Variants in RBMS3 observed in about 807,000 individuals in gnomAD.
RBMS3 encodes the protein RNA binding motif single stranded interacting protein 3, also known as RNA-binding motif, single-stranded-interacting protein 3.
Under a neutral mutation model 66.8 loss-of-function variants are expected in RBMS3, and 27 were observed. The observed-to-expected ratio is 0.40, with a 90% CI of 0.30 to 0.56. RBMS3 has a LOEUF of 0.56. RBMS3 is among the 20% of genes least tolerant of loss of function. The pLI is 0.40. For missense variants in RBMS3, 513 were observed against 549.5 expected, an observed-to-expected ratio of 0.93 and a Z score of 0.66; for synonymous variants, 188 against 183.0, an observed-to-expected ratio of 1.03 and a Z score of -0.22.
At chr3:29,331,688 C>T (rs946081513) in intron 1 of RBMS3, among the ~76,000 whole-genome samples, 3 of 151,988 alleles carry the variant, frequency 2.0e-5, no homozygotes, top group African/African-American at 7.2e-5. Flanking sequence ...GTTTTTCTCT[C>T]ATGGTACACA....
In RBMS3 at chr3:29,435,923, G is replaced by A. The variant is rs112675682; in HGVS notation, c.248+1008G>A. 6.5e-3 allele frequency among the ~76,000 whole-genome samples: 979 copies of A among 150,358 alleles called. 4 individuals are homozygous for A. The highest frequency in any genetic ancestry group is 0.019 in the African/African-American group (782 of 40,684). On this transcript the variant is annotated intron_variant, in intron 2 of 14. Coordinates refer to ENST00000383767, the MANE Select transcript of RBMS3 (RefSeq NM_001003793.3). The stretch of plus-strand genomic sequence containing the variant: ...CAGGAGGCGGAGTTTGCAGTGAGCC[G>A]AGATCACGCCACTGCACTCCAGCTT...
chr3:29,320,227 G>A (rs1363415158), intron 1 of RBMS3, among the ~76,000 whole-genome samples: 2 of 151,996 alleles, frequency 1.3e-5, no homozygotes, highest in Non-Finnish European at 2.9e-5. Context: ...GTAGACTACG[G>A]TCAGCTGCAA....
At chr3:29,917,711 C>T (rs1185986311) in intron 10 of RBMS3, among the ~76,000 whole-genome samples, 1 of 151,962 alleles carries the variant, frequency 6.6e-6, no homozygotes, top group Non-Finnish European at 1.5e-5. Flanking sequence ...GATGCTTCTC[C>T]CAAAACCTCT....
At chr3:29,295,468 C>T (rs1343760556) in intron 1 of RBMS3, among the ~76,000 whole-genome samples, 2 of 150,260 alleles carry the variant, frequency 1.3e-5, no homozygotes, top group African/African-American at 2.4e-5. Flanking sequence ...ATTCAAGATA[C>T]AGCGGGAAAA....
At chr3:29,460,898 C>A (rs9310901) in intron 2 of RBMS3, among the ~76,000 whole-genome samples, 57,841 of 151,768 alleles carry the variant, frequency 0.38, 11,143 homozygotes, top group Admixed American at 0.49. Flanking sequence ...GAGAGTATGA[C>A]CCATCTTAGT....
intron 12 of RBMS3, among the ~76,000 whole-genome samples, chr3:29,984,024 C>G (rs1698193991): frequency 6.6e-6 from 1 of 152,138 alleles, no homozygotes; most frequent in Non-Finnish European, 1.5e-5. Flanking sequence ...TGGTTCCATT[C>G]TCCCTGTCAC....
intron 1 of RBMS3, among the ~76,000 whole-genome samples, chr3:29,421,810 A>G (rs989254294): frequency 2.6e-5 from 4 of 152,194 alleles, no homozygotes; most frequent in African/African-American, 9.6e-5. Context: ...CTTATAATCT[A>G]GAGAATTTCA....
chr3:29,293,838 T>C (rs2033024041), intron 1 of RBMS3, among the ~76,000 whole-genome samples: 1 of 151,736 alleles, frequency 6.6e-6, no homozygotes, highest in African/African-American at 2.4e-5. Context: ...GATCCTTAAA[T>C]TCTGCTTCCT....
At chr3:29,459,933 A>G (rs1275861288) in intron 2 of RBMS3, among the ~76,000 whole-genome samples, 2 of 152,230 alleles carry the variant, frequency 1.3e-5, no homozygotes, top group African/African-American at 2.4e-5. Context: ...AGTTTACTCA[A>G]GTGCCAAATG....
In RBMS3 at chr3:29,978,981, G is replaced by A. The variant is rs79965673; in HGVS notation, c.1099-9162G>A. Among the ~76,000 whole-genome samples the A allele has an allele frequency of 9.8e-3, 1,486 of 151,420 alleles. 14 individuals carry two copies. The highest frequency in any genetic ancestry group is 0.02 in the African/African-American group (817 of 41,452). ...TCTCTACAAAAATAAAAGTAAAAAAGCATATCTAGGCATGGTGGTGCATGC... is the reference window on the plus strand; with the variant it reads ...TCTCTACAAAAATAAAAGTAAAAAAACATATCTAGGCATGGTGGTGCATGC... On this transcript the variant is annotated intron_variant, in intron 12 of 14. Transcript: ENST00000383767.
intron 10 of RBMS3, among the ~76,000 whole-genome samples, chr3:29,923,842 A>C (rs566493910): frequency 6.6e-6 from 1 of 152,200 alleles, no homozygotes; most frequent in Non-Finnish European, 1.5e-5. Flanking sequence ...TGTGAATACC[A>C]ATTAGTAGAC....
intron 1 of RBMS3, among the ~76,000 whole-genome samples, chr3:29,428,328 A>T (rs900231348): frequency 6.6e-6 from 1 of 152,048 alleles, no homozygotes; most frequent in Non-Finnish European, 1.5e-5. Flanking sequence ...GAATGCTATA[A>T]ACTATGCTAC....
At chr3:29,626,066 C>A (rs1428445082) in intron 4 of RBMS3, among the ~76,000 whole-genome samples, 1 of 152,090 alleles carries the variant, frequency 6.6e-6, no homozygotes, top group African/African-American at 2.4e-5. Flanking sequence ...GGTGCCTATG[C>A]TTAATTACAT....
intron 3 of RBMS3, among the ~76,000 whole-genome samples, chr3:29,538,556 G>A (rs1442376636): frequency 1.3e-5 from 2 of 152,220 alleles, no homozygotes; most frequent in Non-Finnish European, 2.9e-5. Flanking sequence ...ATTTGTTTAA[G>A]CAAGAGTTGC....
At chr3:29,547,807 A>ATTTTTTTTTTTTTTTTTTTTTTTT (rs3043400) in intron 3 of RBMS3, among the ~76,000 whole-genome samples, 3 of 93,298 alleles carry the variant, frequency 3.2e-5, no homozygotes, top group Non-Finnish European at 4.2e-5. Context: ...TTGTGGATTG[A>ATTTTTTTTTTTTTTTTTTTTTTTT]TTTTTTTTTT....
chr3:29,772,174 C>A (rs1000583136), intron 6 of RBMS3, among the ~76,000 whole-genome samples: 4 of 152,056 alleles, frequency 2.6e-5, no homozygotes, highest in African/African-American at 9.6e-5. Context: ...ACTTGGATTT[C>A]CCCCCTAGAG....
intron 2 of RBMS3, among the ~76,000 whole-genome samples, chr3:29,462,976 A>G (rs1174229831): frequency 1.3e-5 from 2 of 152,368 alleles, no homozygotes; most frequent in South Asian, 2.1e-4. Context: ...GAGGGAAACT[A>G]TAGATATAAT....
chr3:29,293,667 T>A (rs2033005369), intron 1 of RBMS3, among the ~76,000 whole-genome samples: 1 of 151,734 alleles, frequency 6.6e-6, no homozygotes, highest in South Asian at 2.1e-4. Context: ...ACATTGTGTC[T>A]TCTCCATCTC....
At chr3:29,596,622 C>T (rs2047951560) in intron 4 of RBMS3, among the ~76,000 whole-genome samples, 1 of 152,168 alleles carries the variant, frequency 6.6e-6, no homozygotes, top group Non-Finnish European at 1.5e-5. Context: ...TGGTCTTGAA[C>T]CCAAGCCTTT....
Sources: gnomAD v4.1 joint callset for allele counts (sites outside exome capture counted in the v4.1 genomes callset) on GRCh38, gnomAD v4.1.1 for gene constraint, MANE v1.5 for transcripts, NCBI Gene and HGNC (gene_info 2026-07-23, HGNC 2026-07-21) for gene names.